The following CFAP299 variants were observed in gnomAD, a reference collection of about 807,000 sequenced individuals.
CFAP299 encodes the protein cilia- and flagella-associated protein 299.
In CFAP299, 21 loss-of-function variants were observed where a neutral mutation model predicts 27.0. The observed-to-expected ratio is 0.78, with a 90% CI of 0.55 to 1.12. The LOEUF (loss-of-function observed/expected upper bound fraction) is 1.12, where lower values mean the gene tolerates loss of function less well. CFAP299 is among the 50% of genes most tolerant of loss of function. CFAP299 has a pLI of 0.00. For missense variants in CFAP299, 310 were observed against 276.6 expected (o/e 1.12, Z -0.86); for synonymous variants, 104 against 98.1 (o/e 1.06, Z -0.36).
Position 80,522,005 on chromosome 4 carries a change from G to C in CFAP299, c.243-61088G>C, listed in dbSNP as rs575527588. On this transcript the variant is annotated intron_variant, in intron 2 of 5. Coordinates refer to ENST00000358105, the MANE Select transcript of CFAP299 (RefSeq NM_152770.3). Reference sequence around the variant, plus strand: ...ACAAAGTGAGATTGTTGCATCATATGATAGTTCTTTTTTAAATTTTTTGAG... The same window carrying C: ...ACAAAGTGAGATTGTTGCATCATATCATAGTTCTTTTTTAAATTTTTTGAG... 4.6e-5 allele frequency among the ~76,000 whole-genome samples: 7 copies of C among 151,976 alleles called. No individual in the cohort carries two copies. The East Asian group carries it at 1.4e-3, about 29-fold the overall frequency.
rs112302517 is a variant in CFAP299, at chr4:80,949,623, A to G, written c.606+4684A>G. On this transcript the variant is annotated intron_variant, in intron 5 of 5. Coordinates refer to ENST00000358105, the MANE Select transcript of CFAP299 (RefSeq NM_152770.3). Reference sequence around the variant, plus strand: ...ACTAGAGAGGGGGAGAATCGAACACATAAGGAGGGAAAGGGAGTCAATATC... The same window carrying G: ...ACTAGAGAGGGGGAGAATCGAACACGTAAGGAGGGAAAGGGAGTCAATATC... 3.7e-4 allele frequency among the ~76,000 whole-genome samples: 57 copies of G among 152,264 alleles called. 1 individual carries two copies. Among genetic ancestry groups the G allele is most frequent in the African/African-American group, 1.3e-3 (52 of 41,556 alleles).
chr4:80,688,041 A>G (rs143390601), intron 3 of CFAP299, among the ~76,000 whole-genome samples: 6,959 of 152,266 alleles, frequency 0.046, 555 homozygotes, highest in African/African-American at 0.16. Flanking sequence ...AGGGTCCTAC[A>G]CCCACGGAGT....
At chr4:80,840,009 G>T (rs1182920727) in intron 3 of CFAP299, among the ~76,000 whole-genome samples, 1 of 152,138 alleles carries the variant, frequency 6.6e-6, no homozygotes, top group South Asian at 2.1e-4. Flanking sequence ...AGTTGCAAAT[G>T]AGATAATTCT....
chr4:80,385,447 CT>C (rs988456973), intron 2 of CFAP299, among the ~76,000 whole-genome samples: 34 of 145,578 alleles, frequency 2.3e-4, no homozygotes, highest in South Asian at 6.6e-4. Flanking sequence ...TATTTCTTTT[CT>C]TTTTTTTTTA....
intron 2 of CFAP299, among the ~76,000 whole-genome samples, chr4:80,416,574 G>A (rs1727019348): frequency 6.6e-6 from 1 of 152,032 alleles, no homozygotes; most frequent in Non-Finnish European, 1.5e-5. Flanking sequence ...GACATTTCAA[G>A]ATATTTTCAT....
chr4:80,868,670 G>T (rs1275507420), intron 3 of CFAP299, among the ~76,000 whole-genome samples: 2 of 151,896 alleles, frequency 1.3e-5, no homozygotes, highest in African/African-American at 2.4e-5. Flanking sequence ...CTTAGTTTTT[G>T]GACTCTGAAT....
intron 2 of CFAP299, among the ~76,000 whole-genome samples, chr4:80,576,810 G>A (rs564355957): frequency 6.6e-6 from 1 of 152,322 alleles, no homozygotes; most frequent in South Asian, 2.1e-4. Context: ...GTGTGAAAGA[G>A]TTGAATGTAA....
intron 5 of CFAP299, among the ~76,000 whole-genome samples, chr4:80,963,243 G>A (rs1738433413): frequency 6.6e-6 from 1 of 151,974 alleles, no homozygotes; most frequent in African/African-American, 2.4e-5. Flanking sequence ...GTGACTCATG[G>A]GGTTCAGCAG....
At chr4:80,777,849 T>A (rs1015520326) in intron 3 of CFAP299, among the ~76,000 whole-genome samples, 1 of 152,136 alleles carries the variant, frequency 6.6e-6, no homozygotes, top group Non-Finnish European at 1.5e-5. Context: ...TCAGTGGAAC[T>A]ATGGCTACAT....
chr4:80,657,823 A>T (rs1158408807), intron 3 of CFAP299, among the ~76,000 whole-genome samples: 1 of 152,086 alleles, frequency 6.6e-6, no homozygotes, highest in Non-Finnish European at 1.5e-5. Flanking sequence ...ATTGGGCAGG[A>T]TGGCCATTTT....
At chr4:80,834,126 CT>C (rs553359788) in intron 3 of CFAP299, among the ~76,000 whole-genome samples, 78 of 152,122 alleles carry the variant, frequency 5.1e-4, no homozygotes, top group African/African-American at 1.8e-3. Context: ...TTTGTGTTTG[CT>C]TTTTTTCAAA....
rs1441595352 is a variant in CFAP299, at chr4:80,598,553, C to A, written c.333+15370C>A. ...CATTTAATGGTGTTTTCATGTTATT[C>A]AGATTATTTGTTCAAGCCTATCAGG... On this transcript the variant is annotated intron_variant, in intron 3 of 5. Coordinates refer to ENST00000358105, the MANE Select transcript of CFAP299 (RefSeq NM_152770.3). 2.6e-5 allele frequency among the ~76,000 whole-genome samples: 4 copies of A among 152,252 alleles called. No homozygotes were observed. The East Asian group carries it at 5.8e-4, about 22-fold the overall frequency.
At chr4:80,358,928 C>T (rs568025942) in intron 1 of CFAP299, among the ~76,000 whole-genome samples, 20 of 152,192 alleles carry the variant, frequency 1.3e-4, no homozygotes, top group African/African-American at 4.6e-4. Context: ...AGTCTGTGTA[C>T]TTCAGTGTGT....
At chr4:80,577,290 G>T (rs1340870947) in intron 2 of CFAP299, among the ~76,000 whole-genome samples, 1 of 151,926 alleles carries the variant, frequency 6.6e-6, no homozygotes, top group Non-Finnish European at 1.5e-5. Context: ...GTCTAGCATA[G>T]GGACTAGTAC....
At chr4:80,474,044 T>C (rs1284548441) in intron 2 of CFAP299, among the ~76,000 whole-genome samples, 1 of 152,218 alleles carries the variant, frequency 6.6e-6, no homozygotes, top group African/African-American at 2.4e-5. Flanking sequence ...AATTATTTCA[T>C]GTTAGGTTTA....
intron 2 of CFAP299, among the ~76,000 whole-genome samples, chr4:80,495,016 T>C (rs1315692311): frequency 6.6e-6 from 1 of 152,234 alleles, no homozygotes; most frequent in Non-Finnish European, 1.5e-5. Flanking sequence ...TCCAGCACTT[T>C]TTCCAACATA....
chr4:80,358,389 A>G (rs1024390828), intron 1 of CFAP299, among the ~76,000 whole-genome samples: 4 of 152,034 alleles, frequency 2.6e-5, no homozygotes, highest in Admixed American at 2.0e-4. Context: ...AATATCTTTG[A>G]TAATTTTCTG....
chr4:80,614,964 TCA>T (rs1336179768), intron 3 of CFAP299, among the ~76,000 whole-genome samples: 1 of 152,024 alleles, frequency 6.6e-6, no homozygotes, highest in Admixed American at 6.6e-5. Context: ...TCCCATTTTT[TCA>T]CAGATACACT....
At chr4:80,401,611 A>G (rs575408513) in intron 2 of CFAP299, among the ~76,000 whole-genome samples, 14 of 152,320 alleles carry the variant, frequency 9.2e-5, no homozygotes, top group African/African-American at 3.4e-4. Context: ...TGCCCAGGCA[A>G]AAGTTTGCTG....
Sources: allele counts gnomAD v4.1 joint callset (sites outside exome capture counted in the v4.1 genomes callset), GRCh38; gene constraint gnomAD v4.1.1; transcripts MANE v1.5; gene names NCBI Gene and HGNC (gene_info 2026-07-23, HGNC 2026-07-21).